TCHP: variants seen among roughly 807,000 people sequenced by gnomAD.
TCHP encodes the protein trichoplein keratin filament binding.
TCHP carries 81 observed loss-of-function variants against 88.7 expected under a neutral mutation model. That is an observed-to-expected ratio of 0.91 (90% CI 0.76 to 1.10). TCHP has a LOEUF of 1.10. TCHP is among the 50% of genes least tolerant of loss of function. TCHP has a pLI of 0.00. For missense variants in TCHP, 641 were observed against 632.1 expected (o/e 1.01, Z -0.15); for synonymous variants, 232 against 232.5 (o/e 1.00, Z 0.02).
In TCHP at chr12:109,905,937, G is replaced by A. The variant is rs1348852366; in HGVS notation, c.457-635G>A. On this transcript the variant is annotated intron_variant, in intron 4 of 12. Coordinates refer to ENST00000405876, the MANE Select transcript of TCHP (RefSeq NM_001143852.2). The surrounding 1 kb of genome is among the most constrained non-coding windows in gnomAD (Gnocchi z 4.0). The stretch of plus-strand genomic sequence containing the variant: ...AGGCTGGTCTCAAACCTGGGCTCAA[G>A]TGATCCTCCCACCTCAGCCTCCCGA... 1.3e-5 allele frequency among the ~76,000 whole-genome samples: 2 copies of A among 152,224 alleles called. No individual in the cohort carries two copies. Among genetic ancestry groups the A allele is most frequent in the Non-Finnish European group, 2.9e-5 (2 of 68,036 alleles).
Position 109,908,658 on chromosome 12 carries a change from C to G in TCHP, c.772C>G (p.Arg258Gly), listed in dbSNP as rs146721398. 2 of 1,600,342 alleles carry G rather than the reference C, an allele frequency of 1.2e-6. No individual in the cohort carries two copies. Among genetic ancestry groups the G allele is most frequent in the South Asian group, 2.3e-5 (2 of 88,118 alleles). ...GGAGCTAGAGAGGCTGGAGGAAGAG[C>G]GAAAGCAGATGGAAGCCTTCCGGCA... Reference protein sequence around the residue: ...RWELERLEEERKQMEAFRQKA... With the variant: ...RWELERLEEEGKQMEAFRQKA... Residue 258 changes from arginine to glycine, a missense_variant, in exon 7 of 13, where the codon CGA (arginine) becomes GGA (glycine). Physicochemically the swap from Arg to Gly is moderately radical, Grantham distance 125. Transcript: ENST00000405876.
chr12:109,892,641 A>G, the TCHP span, among the ~76,000 whole-genome samples: 5 of 152,176 alleles, frequency 3.3e-5, no homozygotes, highest in African/African-American at 1.2e-4. Context: ...CACAGAAAAC[A>G]CAGGACTGAC....
At chr12:109,904,285 T>A (rs1325618850) in intron 3 of TCHP, 138 bp downstream of exon 3, 1 of 741,344 alleles carries the variant, frequency 1.3e-6, no homozygotes, top group African/African-American at 1.8e-5. Context: ...GAAAAGAGCT[T>A]AGGTCCTTGT....
intron 4 of TCHP, 38 bp from the exon 5 acceptor site, chr12:109,906,534 T>C (rs2271318): frequency 0.097 from 155,417 of 1,603,696 alleles, 13,701 homozygotes; most frequent in African/African-American, 0.47. Flanking sequence ...CCCATCTGTC[T>C]GGTGAGGAAA....
chr12:109,906,266 T>A (rs1446101538), intron 4 of TCHP, among the ~76,000 whole-genome samples: 1 of 152,120 alleles, frequency 6.6e-6, no homozygotes, highest in Non-Finnish European at 1.5e-5. Context: ...GCCTTTGAAA[T>A]TGTATTTCCA....
intron 3 of TCHP, 78 bp from the exon 4 acceptor site, chr12:109,904,659 C>A: frequency 7.2e-7 from 1 of 1,384,442 alleles, no homozygotes; most frequent in Non-Finnish European, 1.0e-6. Context: ...CCTGAGCTGA[C>A]TTCCACTGTG....
chr12:109,911,673 T>G (rs1870504753), intron 9 of TCHP, among the ~76,000 whole-genome samples: 1 of 151,778 alleles, frequency 6.6e-6, no homozygotes, highest in African/African-American at 2.4e-5. Context: ...CCATCATTCC[T>G]GAGGAGCACA....
chr12:109,899,786 A>T (rs981459099), upstream of TCHP, among the ~76,000 whole-genome samples: 16 of 152,034 alleles, frequency 1.1e-4, no homozygotes, highest in Non-Finnish European at 2.2e-4. Context: ...TGGATTTTTT[A>T]AAGGTATCTG....
chr12:109,902,935 G>A, intron 1 of TCHP, 92 bp from the exon 2 acceptor site: 1 of 976,138 alleles, frequency 1.0e-6, no homozygotes, highest in Non-Finnish European at 1.5e-6. Flanking sequence ...TGCAGCCAAG[G>A]GGTGGTGACC....
At chr12:109,885,694 G>A in the TCHP span, among the ~76,000 whole-genome samples, 34 of 151,844 alleles carry the variant, frequency 2.2e-4, no homozygotes, top group Middle Eastern at 3.4e-3. Context: ...TGTTAGCCAG[G>A]ATGGTCTTGA....
In TCHP at chr12:109,916,803, G is replaced by A. The variant is rs536702743; in HGVS notation, c.*180G>A. 50 of 620,460 alleles carry A rather than the reference G, an allele frequency of 8.1e-5. No homozygotes were observed. The East Asian group carries it at 1.1e-3, about 14-fold the overall frequency. 38.4% of individuals were successfully genotyped at this position (620,460 alleles called of 1,614,324 possible). A position where few individuals can be genotyped will look rare whatever the true frequency, so the allele number is the denominator to read the frequency against. ...GTGTTTGGCCAGACATTAAGGTGTCGTGAGAGTCCCTTTCATGCCTTTCTT... is the reference window on the plus strand; with the variant it reads ...GTGTTTGGCCAGACATTAAGGTGTCATGAGAGTCCCTTTCATGCCTTTCTT... On this transcript the variant is annotated 3_prime_UTR_variant, in exon 13 of 13. Transcript: ENST00000405876.
Position 109,908,922 on chromosome 12 carries a change from G to T in TCHP, c.864G>T (p.Gln288His), listed in dbSNP as rs202170610. ...CTCAACTCAGCAGACGCACACAGCA[G>T]ATCCAAGAGGAGCTGGTAAGTCTGA... ...YNAQLSRRTQ[Q>H]IQEELEADRR... The change falls in exon 8 of 13, where the codon CAG becomes CAT. Residue 288 changes from glutamine (Q) to histidine (H), a missense_variant. Gln to His is a conservative substitution (Grantham distance 24, BLOSUM62 0). Coordinates refer to ENST00000405876, the MANE Select transcript of TCHP (RefSeq NM_001143852.2). 9.3e-6 allele frequency: 15 copies of T among 1,614,222 alleles called. No individual in the cohort carries two copies. The East Asian group carries it at 3.3e-4, about 36-fold the overall frequency.
At chr12:109,909,563 T>C (rs1216586040) in intron 8 of TCHP, among the ~76,000 whole-genome samples, 1 of 152,252 alleles carries the variant, frequency 6.6e-6, no homozygotes, top group East Asian at 1.9e-4. Context: ...CTCCCGCCTA[T>C]AATCCCAGCA....
At chr12:109,911,654 G>GTA (rs1339778085) in intron 9 of TCHP, among the ~76,000 whole-genome samples, 1 of 150,870 alleles carries the variant, frequency 6.6e-6, no homozygotes, top group East Asian at 1.9e-4. Context: ...AGATAGCTGT[G>GTA]TATGTTGTCC....
chr12:109,906,535 G>A (rs1364145451), intron 4 of TCHP, 37 bp from the exon 5 acceptor site: 2 of 1,604,354 alleles, frequency 1.2e-6, no homozygotes, highest in South Asian at 2.2e-5. Context: ...CCATCTGTCT[G>A]GTGAGGAAAT....
rs1565908570 is a variant in TCHP, at chr12:109,904,103, C to T, written c.355C>T (p.Gln119Ter). The T allele has an allele frequency of 6.3e-7, 1 of 1,590,936 alleles. No individual in the cohort carries two copies. The highest frequency in any genetic ancestry group is 1.1e-5 in the South Asian group (1 of 87,626). Residue 119 changes from glutamine to a stop codon, truncating the protein, a stop_gained, in exon 3 of 13, where the codon CAG becomes TAG. Coordinates refer to ENST00000405876, the MANE Select transcript of TCHP (RefSeq NM_001143852.2). LOFTEE classifies it high-confidence loss of function. The stretch of plus-strand genomic sequence containing the variant: ...CTTGCAGGAAAGAAGAATCCGGGAG[C>T]AGCACGGGAAGCTGAAATCAGCCAA... ...MNLQERRIRE[Q>*]HGKLKSAKEE...
At chr12:109,914,727 C>A in intron 11 of TCHP, 100 bp downstream of exon 11, 1 of 1,023,486 alleles carries the variant, frequency 9.8e-7, no homozygotes. Flanking sequence ...GCAGGGCTTG[C>A]GCACGTTTGA....
intron 1 of TCHP, among the ~76,000 whole-genome samples, chr12:109,902,055 GC>G (rs1273502520): frequency 1.3e-5 from 2 of 152,178 alleles, no homozygotes; most frequent in Non-Finnish European, 2.9e-5. Context: ...CTCTGTTTAA[GC>G]ACAGCATAAA....
At chr12:109,913,300 C>T (rs1366713702) in intron 10 of TCHP, among the ~76,000 whole-genome samples, 1 of 152,218 alleles carries the variant, frequency 6.6e-6, no homozygotes, top group African/African-American at 2.4e-5. Context: ...TGTATGCAGC[C>T]GTAGCTGCTG....
Sources: allele counts gnomAD v4.1 joint callset (sites outside exome capture counted in the v4.1 genomes callset), GRCh38; gene constraint gnomAD v4.1.1; non-coding constraint Gnocchi (gnomAD v3.1); transcripts MANE v1.5; gene names NCBI Gene and HGNC (gene_info 2026-07-23, HGNC 2026-07-21).